WDSUB1: variants seen among roughly 807,000 people sequenced by gnomAD.
The protein encoded by WDSUB1 is WD repeat, sterile alpha motif and U-box domain containing 1.
WDSUB1 carries 49 observed loss-of-function variants against 53.9 expected under a neutral mutation model. The observed-to-expected ratio is 0.91, with a 90% CI of 0.72 to 1.15. WDSUB1 has a LOEUF of 1.15. Ranked by LOEUF, WDSUB1 falls within the 50% of genes most tolerant of loss-of-function variation. WDSUB1 has a pLI of 0.00. For missense variants in WDSUB1, 514 were observed against 562.0 expected, an observed-to-expected ratio of 0.91 and a Z score of 0.86; for synonymous variants, 194 against 200.6, an observed-to-expected ratio of 0.97 and a Z score of 0.28.
chr2:159,282,956 C>G lies in WDSUB1; in HGVS notation c.114G>C (p.Ser38=). Residue 38 remains serine, a synonymous_variant, in exon 2 of 11, where the codon TCG becomes TCC. Transcript: ENST00000359774. ...GTGGCAGTTCAGTAAAGTCACGTAA[C>G]GAGTACAGGCGAATTGTTTTGTCCA... is the stretch of plus-strand genomic sequence containing the variant. ...CSLDKTIRLY[S]LRDFTELPHS... 6.2e-7 allele frequency: 1 copy of G among 1,614,124 alleles called. No individual in the cohort carries two copies. The highest frequency in any genetic ancestry group is 8.5e-7 in the Non-Finnish European group (1 of 1,180,012).
intron 10 of WDSUB1, among the ~76,000 whole-genome samples, chr2:159,238,164 T>TATTTGCCCA (rs2060538208): frequency 2.6e-5 from 4 of 152,206 alleles, no homozygotes; most frequent in African/African-American, 9.7e-5. Context: ...GCTATTCATA[T>TATTTGCCCA]TTTTTGCCCA....
intron 5 of WDSUB1, among the ~76,000 whole-genome samples, chr2:159,260,439 C>T (rs1285439425): frequency 6.6e-6 from 1 of 152,164 alleles, no homozygotes; most frequent in African/African-American, 2.4e-5. Context: ...GACTCTATAA[C>T]AAGTTAGTAA....
chr2:159,279,521 T>C (rs1354119363), intron 3 of WDSUB1, among the ~76,000 whole-genome samples: 1 of 152,150 alleles, frequency 6.6e-6, no homozygotes, highest in Non-Finnish European at 1.5e-5. Flanking sequence ...TAATAAAGAA[T>C]GTAATTTTCT....
intron 2 of WDSUB1, among the ~76,000 whole-genome samples, chr2:159,281,081 C>T (rs982660655): frequency 2.0e-5 from 3 of 152,156 alleles, no homozygotes; most frequent in Middle Eastern, 3.2e-3. Flanking sequence ...AAGACCTAAG[C>T]TTAAATGAGC....
intron 5 of WDSUB1, among the ~76,000 whole-genome samples, chr2:159,261,174 T>C (rs1407144310): frequency 6.6e-6 from 1 of 152,052 alleles, no homozygotes; most frequent in Non-Finnish European, 1.5e-5. Flanking sequence ...CAAAAAATAA[T>C]ACAAATAAAA....
chr2:159,284,276 A>G (rs2061740708), intron 1 of WDSUB1, among the ~76,000 whole-genome samples: 4 of 152,232 alleles, frequency 2.6e-5, no homozygotes, highest in Admixed American at 1.3e-4. Context: ...AATAACTTCA[A>G]ACTGATTTGA....
chr2:159,242,530 C>T (rs2151047321), intron 10 of WDSUB1, among the ~76,000 whole-genome samples: 1 of 147,434 alleles, frequency 6.8e-6, no homozygotes, highest in East Asian at 2.2e-4. Flanking sequence ...GGTGTGGTGG[C>T]ACATGCCTGT....
intron 1 of WDSUB1, among the ~76,000 whole-genome samples, chr2:159,285,813 C>T (rs1335106059): frequency 1.3e-5 from 2 of 152,166 alleles, no homozygotes; most frequent in Non-Finnish European, 2.9e-5. Context: ...TCCAATAAAG[C>T]CTAAAAACCA....
At chr2:159,278,636 A>G (rs2061591566) in intron 3 of WDSUB1, among the ~76,000 whole-genome samples, 2 of 152,236 alleles carry the variant, frequency 1.3e-5, no homozygotes, top group South Asian at 4.1e-4. Context: ...GGATATTAAC[A>G]GCAAACCAGG....
chr2:159,255,797 A>T (rs979428248), intron 9 of WDSUB1, among the ~76,000 whole-genome samples: 8 of 152,220 alleles, frequency 5.3e-5, no homozygotes, highest in African/African-American at 1.9e-4. Context: ...ACTATAGCAT[A>T]TTAGTAATAG....
chr2:159,239,222 CT>C (rs1451792684), intron 10 of WDSUB1, among the ~76,000 whole-genome samples: 25 of 146,204 alleles, frequency 1.7e-4, no homozygotes, highest in African/African-American at 6.5e-4. Flanking sequence ...CCAGGCTGGT[CT>C]AGAACACCTT....
In WDSUB1 at chr2:159,249,273, CAAAT is replaced by C. The variant is rs576469140; in HGVS notation, c.1133-765_1133-762del. ...CTGATTCTTGTAAGAAACACAATCA[CAAAT>C]AAAGCTCATCTGTTTGTCCAAACCA... On this transcript the variant is annotated intron_variant, in intron 9 of 10. Transcript: ENST00000359774. Among the ~76,000 whole-genome samples, 506 of 152,326 alleles carry C rather than the reference CAAAT, an allele frequency of 3.3e-3. 6 individuals carry two copies. The highest frequency in any genetic ancestry group is 0.012 in the African/African-American group (479 of 41,586).
chr2:159,257,620 T>C, intron 8 of WDSUB1, 138 bp downstream of exon 8: 1 of 676,824 alleles, frequency 1.5e-6, no homozygotes, highest in Middle Eastern at 2.5e-4. Context: ...ACTTCTGACC[T>C]CAAGTGATAC....
At chr2:159,248,647 G>A in intron 9 of WDSUB1, 135 bp from the exon 10 acceptor site, 1 of 1,054,738 alleles carries the variant, frequency 9.5e-7, no homozygotes, top group Non-Finnish European at 1.3e-6. Context: ...CTTTTGCCCA[G>A]GCTGGAGTGC....
intron 9 of WDSUB1, among the ~76,000 whole-genome samples, chr2:159,250,104 AAAAG>A (rs1335278296): frequency 2.7e-5 from 4 of 147,810 alleles, no homozygotes; most frequent in African/African-American, 1.0e-4. Context: ...AAAAAAAAAA[AAAAG>A]AAGGGAAGGG....
Position 159,279,812 on chromosome 2 carries a change from C to A in WDSUB1, c.532G>T (p.Ala178Ser), listed in dbSNP as rs1222134104. The A allele has an allele frequency of 6.2e-7, 1 of 1,609,748 alleles. No individual in the cohort carries two copies. The highest frequency in any genetic ancestry group is 1.1e-5 in the South Asian group (1 of 90,398). ...DKMRCLHSEK[A>S]HDLGITCCDF... ...CAGCAGGTAATTCCAAGATCATGTG[C>A]TTTTTCACTATGCAGACACCTCATT... Residue 178 changes from alanine (A) to serine (S), a missense_variant, in exon 3 of 11, where the codon GCA (alanine) becomes TCA (serine). Transcript: ENST00000359774.
intron 4 of WDSUB1, among the ~76,000 whole-genome samples, chr2:159,272,027 TAG>T (rs2061453656): frequency 6.6e-6 from 1 of 152,210 alleles, no homozygotes; most frequent in African/African-American, 2.4e-5. Flanking sequence ...AGAATTGAAG[TAG>T]CTTTACTCAG....
At chr2:159,281,615 G>C (rs188219228) in intron 2 of WDSUB1, among the ~76,000 whole-genome samples, 169 of 152,256 alleles carry the variant, frequency 1.1e-3, no homozygotes, top group African/African-American at 4.0e-3. Context: ...CATTCATCCA[G>C]CAAGAATTGC....
At chr2:159,265,480 C>A (rs1035243953) in intron 5 of WDSUB1, among the ~76,000 whole-genome samples, 6 of 152,154 alleles carry the variant, frequency 3.9e-5, no homozygotes, top group African/African-American at 1.4e-4. Flanking sequence ...GCCTGTAATC[C>A]CAACACTTTG....
Sources: gnomAD v4.1 joint callset for allele counts (sites outside exome capture counted in the v4.1 genomes callset) on GRCh38, gnomAD v4.1.1 for gene constraint, MANE v1.5 for transcripts, NCBI Gene and HGNC (gene_info 2026-07-23, HGNC 2026-07-21) for gene names.